Variants in CPNE4 observed in about 807,000 individuals in gnomAD.
CPNE4 encodes copine-4.
Under a neutral mutation model 67.9 loss-of-function variants are expected in CPNE4, and 25 were observed. That is an observed-to-expected ratio of 0.37 (90% CI 0.27 to 0.51). The LOEUF is 0.51. CPNE4 is among the 20% of genes least tolerant of loss of function. The pLI, the probability that CPNE4 is intolerant of heterozygous loss-of-function variation, is 0.93. For synonymous variants in CPNE4, 242 were observed against 244.9 expected, an observed-to-expected ratio of 0.99 and a Z score of 0.11; for missense variants, 464 against 690.8, an observed-to-expected ratio of 0.67 and a Z score of 3.68.
intron 1 of CPNE4, among the ~76,000 whole-genome samples, chr3:131,908,363 A>G (rs949973916): frequency 6.6e-6 from 1 of 152,192 alleles, no homozygotes; most frequent in Admixed American, 6.6e-5. Flanking sequence ...AAGGGAGAAA[A>G]AGAATCAGCT....
intron 2 of CPNE4, among the ~76,000 whole-genome samples, chr3:131,852,539 A>G (rs574391590): frequency 2.6e-5 from 4 of 152,122 alleles, no homozygotes; most frequent in Admixed American, 6.6e-5. Flanking sequence ...CACATCTATG[A>G]CAAACCTGGA....
chr3:131,535,251 T>C lies in CPNE4; in HGVS notation c.1618A>G (p.Ile540Val). 6.2e-7 allele frequency: 1 copy of C among 1,613,896 alleles called. No homozygotes were observed. Among genetic ancestry groups the C allele is most frequent in the Non-Finnish European group, 8.5e-7 (1 of 1,179,972 alleles). ...ATTTCTGATGAACATTTTGGTTTAA[T>C]TCCTTTGCCATTGTAATAGTCCACA... ...QVVDYYNGKG[I>V]KPKCSSEMYE... Residue 540 changes from isoleucine (I) to valine (V), a missense_variant, in exon 16 of 16, where the codon ATT becomes GTT. Around this residue, in one of 6 missense-constraint regions of CPNE4, gnomAD observed 201 missense variants for 357.7 expected, o/e 0.56. Coordinates refer to ENST00000429747, the MANE Select transcript of CPNE4 (RefSeq NM_130808.3).
chr3:131,613,677 C>CAGCT (rs1939974216), intron 7 of CPNE4, among the ~76,000 whole-genome samples: 1 of 152,188 alleles, frequency 6.6e-6, no homozygotes, highest in Non-Finnish European at 1.5e-5. Flanking sequence ...AACCTTTAGG[C>CAGCT]AGCTGGTCTT....
intron 2 of CPNE4, among the ~76,000 whole-genome samples, chr3:131,746,179 A>G (rs2082485133): frequency 6.6e-6 from 1 of 152,170 alleles, no homozygotes; most frequent in Non-Finnish European, 1.5e-5. Flanking sequence ...TTTATGGGGT[A>G]CAACGTGATG....
At chr3:131,883,582 C>T (rs916554625) in intron 2 of CPNE4, among the ~76,000 whole-genome samples, 4 of 152,162 alleles carry the variant, frequency 2.6e-5, no homozygotes. Flanking sequence ...GAATAAAACC[C>T]CAAACACTTA....
chr3:131,922,816 T>C (rs1583459398), intron 1 of CPNE4, among the ~76,000 whole-genome samples: 1 of 152,174 alleles, frequency 6.6e-6, no homozygotes, highest in Non-Finnish European at 1.5e-5. Context: ...ATAACAAATA[T>C]AGTGTATCCT....
intron 7 of CPNE4, among the ~76,000 whole-genome samples, chr3:131,618,493 C>T (rs1474866065): frequency 6.6e-6 from 1 of 152,064 alleles, no homozygotes; most frequent in Non-Finnish European, 1.5e-5. Context: ...GCTTACTATC[C>T]TTTGGGCTAC....
chr3:131,679,070 G>T (rs2080662372), intron 6 of CPNE4, among the ~76,000 whole-genome samples: 1 of 152,068 alleles, frequency 6.6e-6, no homozygotes, highest in South Asian at 2.1e-4. Context: ...GCTTTGGTTG[G>T]TTGGTAGGCT....
At chr3:131,891,069 G>C (rs964702631) in intron 2 of CPNE4, among the ~76,000 whole-genome samples, 1 of 151,964 alleles carries the variant, frequency 6.6e-6, no homozygotes, top group African/African-American at 2.4e-5. Flanking sequence ...TTATTAAGAG[G>C]ACAGATCTCA....
chr3:131,902,756 A>T (rs1451652013), intron 2 of CPNE4, among the ~76,000 whole-genome samples: 2 of 152,116 alleles, frequency 1.3e-5, no homozygotes, highest in Non-Finnish European at 2.9e-5. Context: ...AAGTAGATGG[A>T]TTTCTTGCCT....
intron 14 of CPNE4, among the ~76,000 whole-genome samples, chr3:131,547,799 T>C (rs951083281): frequency 6.6e-6 from 1 of 152,136 alleles, no homozygotes; most frequent in African/African-American, 2.4e-5. Context: ...CATGATGTAA[T>C]GAACAGAGGA....
intron 2 of CPNE4, among the ~76,000 whole-genome samples, chr3:131,774,539 G>A (rs182656042): frequency 5.3e-4 from 80 of 152,208 alleles, no homozygotes; most frequent in South Asian, 1.0e-3. Context: ...TGCATAATCT[G>A]TTACTTGCAA....
rs71622076 is a variant in CPNE4, at chr3:131,792,925, G to GTATATA, written c.181-69301_181-69300insTATATA. Among the ~76,000 whole-genome samples, 467 of 135,156 alleles carry GTATATA rather than the reference G, an allele frequency of 3.5e-3. 5 individuals are homozygous for GTATATA. Among genetic ancestry groups the GTATATA allele is most frequent in the South Asian group, 0.018 (74 of 4,122 alleles). 88.7% of individuals were successfully genotyped at this position (135,156 alleles called of 152,430 possible). A position where few individuals can be genotyped will look rare whatever the true frequency, so the allele number is the denominator to read the frequency against. On this transcript the variant is annotated intron_variant, in intron 2 of 15. Coordinates refer to ENST00000429747, the MANE Select transcript of CPNE4 (RefSeq NM_130808.3). ...TGTGTGTGTGTGTGTGTGTGTGTGT[G>GTATATA]TATCTCCAACAAAACATGCCAAAAC...
intron 1 of CPNE4, among the ~76,000 whole-genome samples, chr3:131,975,367 A>G (rs1188031813): frequency 6.6e-6 from 1 of 152,202 alleles, no homozygotes; most frequent in Non-Finnish European, 1.5e-5. Context: ...TGAGTGAGTT[A>G]CCTGGGCATG....
At chr3:131,703,946 G>C (rs2081360454) in intron 3 of CPNE4, among the ~76,000 whole-genome samples, 1 of 152,136 alleles carries the variant, frequency 6.6e-6, no homozygotes, top group Non-Finnish European at 1.5e-5. Context: ...AAAAGTGTTG[G>C]TGTAAATGAG....
chr3:131,976,942 C>T (rs2072673653), intron 1 of CPNE4, among the ~76,000 whole-genome samples: 1 of 151,976 alleles, frequency 6.6e-6, no homozygotes, highest in Admixed American at 6.6e-5. Context: ...GCTGGGATTA[C>T]AGGCACACAC....
chr3:132,037,585 C>T (rs2074361968), upstream of CPNE4: 1 of 1,535,900 alleles, frequency 6.5e-7, no homozygotes, highest in African/African-American at 1.4e-5. Context: ...TTAATGGATT[C>T]TGAGCTGCTG....
At chr3:131,607,755 T>A (rs1939589650) in intron 7 of CPNE4, among the ~76,000 whole-genome samples, 1 of 152,164 alleles carries the variant, frequency 6.6e-6, no homozygotes, top group African/African-American at 2.4e-5. Flanking sequence ...GATCCTCAAA[T>A]ACATTTGGAT....
In CPNE4 at chr3:131,974,915, G is replaced by C. The variant is rs182356257; in HGVS notation, c.-2+59652C>G. Among the ~76,000 whole-genome samples the C allele has an allele frequency of 2.8e-3, 420 of 152,246 alleles. 1 individual carries two copies. The highest frequency in any genetic ancestry group is 9.1e-3 in the African/African-American group (380 of 41,544). On this transcript the variant is annotated intron_variant, in intron 1 of 15. Coordinates refer to ENST00000429747, the MANE Select transcript of CPNE4 (RefSeq NM_130808.3). ...CCCAGCTGCTCGGGAGGCTGAGGGG[G>C]GAGGATGGCTTGAGCCTGGGAGGTG... is the stretch of plus-strand genomic sequence containing the variant.
Sources: allele counts gnomAD v4.1 joint callset (sites outside exome capture counted in the v4.1 genomes callset), GRCh38; gene constraint gnomAD v4.1.1; regional missense constraint gnomAD v4.1.1; transcripts MANE v1.5; gene names NCBI Gene and HGNC (gene_info 2026-07-23, HGNC 2026-07-21).